SNX29: variants seen among roughly 807,000 people sequenced by gnomAD.
The protein encoded by SNX29 is sorting nexin 29.
Under a neutral mutation model 102.1 loss-of-function variants are expected in SNX29, and 78 were observed. The ratio of observed to expected loss-of-function variants is 0.76; its 90% CI spans 0.64 to 0.92. SNX29 has a LOEUF of 0.92. Ranked by LOEUF, SNX29 falls within the 40% of genes least tolerant of loss-of-function variation. The pLI, the probability that SNX29 is intolerant of heterozygous loss-of-function variation, is 0.00. For missense variants in SNX29, 1,280 were observed against 1,061.7 expected (o/e 1.21, Z -2.86); for synonymous variants, 580 against 414.5 (o/e 1.40, Z -4.85).
At chr16:12,445,157 T>A (rs891381374) in intron 18 of SNX29, among the ~76,000 whole-genome samples, 1 of 152,080 alleles carries the variant, frequency 6.6e-6, no homozygotes, top group African/African-American at 2.4e-5. Flanking sequence ...GGCTGACAGT[T>A]TTTTTTTGTT....
In SNX29 at chr16:12,436,050, C is replaced by T. The variant is rs141451457; in HGVS notation, c.2037+32521C>T. On this transcript the variant is annotated intron_variant, in intron 18 of 20. Coordinates refer to ENST00000566228, the MANE Select transcript of SNX29 (RefSeq NM_032167.5). ...CTGCTAGGATCAAATGTTGTGGGGG[C>T]GGGTGTCAATGGCACTCAATTGGGG... Among the ~76,000 whole-genome samples the T allele has an allele frequency of 7.0e-3, 1,071 of 152,276 alleles. 13 individuals are homozygous for T. Among genetic ancestry groups the T allele is most frequent in the African/African-American group, 0.025 (1,028 of 41,546 alleles).
intron 19 of SNX29, among the ~76,000 whole-genome samples, chr16:12,519,196 C>T (rs1436658387): frequency 2.0e-5 from 3 of 152,298 alleles, no homozygotes; most frequent in South Asian, 2.1e-4. Context: ...ATTGCTCAGG[C>T]CATACAAAAC....
chr16:12,235,414 C>A (rs1277109952), intron 14 of SNX29, among the ~76,000 whole-genome samples: 2 of 152,136 alleles, frequency 1.3e-5, no homozygotes, highest in Non-Finnish European at 2.9e-5. Flanking sequence ...CGGCAGTGAT[C>A]CATTTTCACA....
chr16:12,177,123 CT>C (rs997140866), intron 13 of SNX29, among the ~76,000 whole-genome samples: 1 of 151,958 alleles, frequency 6.6e-6, no homozygotes, highest in Non-Finnish European at 1.5e-5. Context: ...AATCATTTTA[CT>C]TTTTGTAGAG....
Position 12,570,364 on chromosome 16 carries a change from T to G in SNX29, c.*1735T>G. 2.1e-6 allele frequency: 1 copy of G among 480,284 alleles called. No homozygotes were observed. Among genetic ancestry groups the G allele is most frequent in the Non-Finnish European group, 2.9e-6 (1 of 343,744 alleles). The allele number at this position is 480,284 out of a possible 1,614,324, so 29.8% of individuals were successfully genotyped here. ...CACTCACCTGCCAACATTGCTGCAA[T>G]ACACATGGTTTATCTGAAATTCCAA... On this transcript the variant is annotated 3_prime_UTR_variant, in exon 21 of 21. Transcript: ENST00000566228.
chr16:12,058,294 CTCTT>C (rs555449114), intron 8 of SNX29, among the ~76,000 whole-genome samples: 6 of 152,014 alleles, frequency 3.9e-5, no homozygotes, highest in Non-Finnish European at 8.8e-5. Flanking sequence ...TTTTTTCTCT[CTCTT>C]CTTTTGGGCA....
chr16:12,073,817 G>T (rs1426136497), intron 10 of SNX29, among the ~76,000 whole-genome samples: 8 of 150,248 alleles, frequency 5.3e-5, no homozygotes, highest in South Asian at 2.1e-4. Flanking sequence ...CTCTTTGTAG[G>T]TCACTCAGGA....
intron 19 of SNX29, among the ~76,000 whole-genome samples, chr16:12,509,541 A>G (rs2089517491): frequency 6.6e-6 from 1 of 152,184 alleles, no homozygotes; most frequent in Non-Finnish European, 1.5e-5. Context: ...TTTGGGTCCC[A>G]TGGAGGGGTG....
rs189600130 is a variant in SNX29, at chr16:12,418,658, G to A, written c.2037+15129G>A. On this transcript the variant is annotated intron_variant, in intron 18 of 20. Transcript: ENST00000566228. ...GCCTTCTGAGTAGCTGGGATTACAG[G>A]TGCCTGCCACCGTGCCCAGCTAATT... 7.4e-4 allele frequency among the ~76,000 whole-genome samples: 112 copies of A among 152,260 alleles called. 2 individuals carry two copies. Among genetic ancestry groups the A allele is most frequent in the Admixed American group, 1.0e-3 (16 of 15,290 alleles).
At chr16:12,556,387 G>A (rs897295085) in intron 20 of SNX29, 7 of 152,212 alleles carry the variant, frequency 4.6e-5, no homozygotes, top group African/African-American at 1.4e-4. Flanking sequence ...TGTAGGCACT[G>A]GCAATATAGT....
chr16:12,486,958 G>T (rs779367158), intron 19 of SNX29, among the ~76,000 whole-genome samples: 1 of 152,144 alleles, frequency 6.6e-6, no homozygotes, highest in Non-Finnish European at 1.5e-5. Flanking sequence ...AACTCTATAA[G>T]TAAGAGGCTG....
intron 4 of SNX29, among the ~76,000 whole-genome samples, chr16:12,040,658 C>T (rs1295605649): frequency 2.6e-5 from 4 of 152,066 alleles, no homozygotes; most frequent in African/African-American, 9.7e-5. Flanking sequence ...TGTGCCATGC[C>T]CTTAGTAGTA....
intron 13 of SNX29, among the ~76,000 whole-genome samples, chr16:12,130,181 T>TA (rs1208590608): frequency 0.071 from 9,392 of 132,040 alleles, 446 homozygotes; most frequent in East Asian, 0.21. Context: ...ACTTTTTAGT[T>TA]AAAAAAAAAA....
At chr16:12,202,744 C>G (rs1040160041) in intron 14 of SNX29, among the ~76,000 whole-genome samples, 1 of 152,250 alleles carries the variant, frequency 6.6e-6, no homozygotes, top group Non-Finnish European at 1.5e-5. Flanking sequence ...TCTGAAAACT[C>G]ATGCTTTCAT....
Position 12,390,524 on chromosome 16 carries a change from G to A in SNX29, c.1900-7922G>A, listed in dbSNP as rs140641889. Among the ~76,000 whole-genome samples the A allele has an allele frequency of 1.9e-3, 287 of 152,292 alleles. 1 individual carries two copies. The highest frequency in any genetic ancestry group is 2.9e-3 in the Admixed American group (44 of 15,300). On this transcript the variant is annotated intron_variant, in intron 16 of 20. Coordinates refer to ENST00000566228, the MANE Select transcript of SNX29 (RefSeq NM_032167.5). Reference sequence around the variant, plus strand: ...CCTCTCCCCCTGTCACCTGCAGAGAGTCTGACTACTCAATGGAATGTAGTG... The same window carrying A: ...CCTCTCCCCCTGTCACCTGCAGAGAATCTGACTACTCAATGGAATGTAGTG...
chr16:12,124,083 C>T (rs539264495), intron 11 of SNX29, among the ~76,000 whole-genome samples: 5 of 152,254 alleles, frequency 3.3e-5, no homozygotes, highest in South Asian at 2.1e-4. Context: ...CAAGCCCGGG[C>T]GCGGGGGCTC....
intron 15 of SNX29, among the ~76,000 whole-genome samples, chr16:12,287,971 C>CT (rs2079653570): frequency 6.6e-6 from 1 of 152,156 alleles, no homozygotes; most frequent in Admixed American, 6.5e-5. Flanking sequence ...TGAAAAGCAG[C>CT]TATAGATATT....
At chr16:12,335,904 C>T (rs2081432943) in intron 15 of SNX29, among the ~76,000 whole-genome samples, 1 of 151,870 alleles carries the variant, frequency 6.6e-6, no homozygotes, top group Non-Finnish European at 1.5e-5. Flanking sequence ...TCATCACTGG[C>T]AGGATCAGGA....
chr16:12,546,295 G>A (rs951804209), intron 20 of SNX29: 8 of 152,232 alleles, frequency 5.3e-5, no homozygotes, highest in African/African-American at 1.7e-4. Context: ...TGCTGATAAA[G>A]ACATACCTGA....
Sources: gnomAD v4.1 joint callset for allele counts (sites outside exome capture counted in the v4.1 genomes callset) on GRCh38, gnomAD v4.1.1 for gene constraint, MANE v1.5 for transcripts, NCBI Gene and HGNC (gene_info 2026-07-23, HGNC 2026-07-21) for gene names.